LARP1B: variants seen among roughly 807,000 people sequenced by gnomAD.
LARP1B encodes La ribonucleoprotein 1B, also known as la-related protein 1B.
Under a neutral mutation model 114.2 loss-of-function variants are expected in LARP1B, and 76 were observed. The observed-to-expected ratio is 0.67, with a 90% CI of 0.55 to 0.81. The LOEUF (loss-of-function observed/expected upper bound fraction) is 0.81. LARP1B is among the 30% of genes least tolerant of loss of function. The pLI, the probability that LARP1B is intolerant of heterozygous loss-of-function variation, is 0.00. For synonymous variants in LARP1B, 345 were observed against 348.0 expected, an observed-to-expected ratio of 0.99 and a Z score of 0.10; for missense variants, 1,014 against 1,075.8, an observed-to-expected ratio of 0.94 and a Z score of 0.80.
intron 7 of LARP1B, among the ~76,000 whole-genome samples, chr4:128,095,825 A>AGAAAAC (rs1393405123): frequency 1.3e-5 from 2 of 152,038 alleles, no homozygotes; most frequent in African/African-American, 4.8e-5. Context: ...TCCATGTTTG[A>AGAAAAC]AAACTTTCTC....
At chr4:128,197,882 T>C (rs1754759358) in intron 15 of LARP1B, among the ~76,000 whole-genome samples, 1 of 135,404 alleles carries the variant, frequency 7.4e-6, no homozygotes, top group Non-Finnish European at 1.6e-5. Context: ...GATTGTAGCT[T>C]TTTTTTTTTT....
chr4:128,068,882 A>G (rs1340302956), intron 1 of LARP1B: 5 of 430,010 alleles, frequency 1.2e-5, no homozygotes, highest in Non-Finnish European at 2.1e-5. Flanking sequence ...ATTGCACTTT[A>G]ACTTTTCTTA....
At chr4:128,073,589 T>TGTTG (rs1561056944) in intron 1 of LARP1B, among the ~76,000 whole-genome samples, 34 of 38,356 alleles carry the variant, frequency 8.9e-4, no homozygotes, top group Non-Finnish European at 1.3e-3. Context: ...TTTTTTTTTT[T>TGTTG]TTTTTTTTTT....
rs1782551080 is a variant in LARP1B at position 128,107,601 on chromosome 4, G to T, written c.988+288G>T. 7 of 1,382,616 alleles carry T rather than the reference G, an allele frequency of 5.1e-6. No homozygotes were observed. In the East Asian group the frequency reaches 1.3e-4, roughly 26 times the overall value. The allele number at this position is 1,382,616 out of a possible 1,614,324, so 85.6% of individuals were successfully genotyped here. A position where few individuals can be genotyped will look rare whatever the true frequency, so the allele number is the denominator to read the frequency against. The stretch of plus-strand genomic sequence containing the variant: ...CTTTTATTTTTACTAAATAACTATA[G>T]ATATGTATCGTTTTCCCCTGTAAAA... On this transcript the variant is annotated intron_variant, in intron 9 of 19. Transcript: ENST00000326639.
At chr4:128,220,990 G>C (rs1759979468) in intron 7 of LARP1B, among the ~76,000 whole-genome samples, 1 of 152,190 alleles carries the variant, frequency 6.6e-6, no homozygotes, top group African/African-American at 2.4e-5. Context: ...GCGTGAAATA[G>C]AACACAGAAC....
At chr4:128,157,159 GAGAATTTCAGTAT>G (rs1170925310) in intron 11 of LARP1B, among the ~76,000 whole-genome samples, 2 of 152,108 alleles carry the variant, frequency 1.3e-5, no homozygotes, top group Admixed American at 6.5e-5. Flanking sequence ...AGATAAGATG[GAGAATTTCAGTAT>G]AGAGCCAGAA....
At chr4:128,164,079 T>G (rs1196135718) in intron 12 of LARP1B, among the ~76,000 whole-genome samples, 1 of 152,142 alleles carries the variant, frequency 6.6e-6, no homozygotes, top group Non-Finnish European at 1.5e-5. Flanking sequence ...TTAATTTCTT[T>G]GATTTTGTAG....
At position 128,180,407 on chromosome 4, in the gene LARP1B, T is replaced by C. The variant is rs925749045; in HGVS notation, c.2003+895T>C. 3.9e-5 allele frequency among the ~76,000 whole-genome samples: 6 copies of C among 152,358 alleles called. No homozygotes were observed. The East Asian group carries it at 5.8e-4, about 15-fold the overall frequency. Reference sequence around the variant, plus strand: ...TCATGAAAAGAAATGCTAGGGAGTTTATCATGCTCTCAAAACCTTGAAATC... The same window carrying C: ...TCATGAAAAGAAATGCTAGGGAGTTCATCATGCTCTCAAAACCTTGAAATC... On this transcript the variant is annotated intron_variant, in intron 15 of 19. Transcript: ENST00000326639.
Position 128,199,567 on chromosome 4 carries a change from T to G in LARP1B, c.2132T>G (p.Val711Gly). The G allele has an allele frequency of 6.3e-7, 1 of 1,586,536 alleles. No individual in the cohort carries two copies. ...LLKENGFTQQ[V>G]YHKYRRRCLS... ...AAGGAAAATGGCTTTACCCAACAAG[T>G]GTACCACAAGTATCGTCGAAGATGC... Residue 711 changes from valine (V) to glycine (G), a missense_variant, in exon 16 of 20, where the codon GTG becomes GGG. Coordinates refer to ENST00000326639, the MANE Select transcript of LARP1B (RefSeq NM_018078.4).
At chr4:128,110,491 A>T (rs958522538) in intron 9 of LARP1B, among the ~76,000 whole-genome samples, 74 of 150,424 alleles carry the variant, frequency 4.9e-4, no homozygotes, top group African/African-American at 1.8e-3. Context: ...GGCTAAAAAA[A>T]ACGGTGAAAC....
At chr4:128,095,775 C>A (rs1310007809) in intron 7 of LARP1B, among the ~76,000 whole-genome samples, 57 of 151,980 alleles carry the variant, frequency 3.8e-4, no homozygotes, top group Non-Finnish European at 5.9e-5. Context: ...GAGTTTTATA[C>A]CCCAAAATGT....
At chr4:128,090,933 T>C (rs772629003) in intron 5 of LARP1B, 68 bp from the exon 6 acceptor site, 1 of 1,254,156 alleles carries the variant, frequency 8.0e-7, no homozygotes, top group Admixed American at 2.4e-5. Context: ...TATTATGTTT[T>C]CATAAAGACA....
chr4:128,069,768 A>G (rs1040880782), intron 1 of LARP1B, among the ~76,000 whole-genome samples: 5 of 152,090 alleles, frequency 3.3e-5, no homozygotes, highest in African/African-American at 1.2e-4. Context: ...TTTACTCATA[A>G]CAATATGATG....
At chr4:128,079,017 A>G (rs927864497) in intron 4 of LARP1B, among the ~76,000 whole-genome samples, 63 of 152,214 alleles carry the variant, frequency 4.1e-4, no homozygotes, top group South Asian at 1.9e-3. Context: ...GGGAACATTT[A>G]ATGGTAAAGT....
At chr4:128,123,166 C>T (rs1338032062) in intron 11 of LARP1B, 5 of 985,246 alleles carry the variant, frequency 5.1e-6, no homozygotes, top group Non-Finnish European at 3.6e-6. Flanking sequence ...TCTTTTCTTC[C>T]TGGAATCCCC....
intron 1 of LARP1B, among the ~76,000 whole-genome samples, chr4:128,065,335 CCTTTCTTT>C (rs1762343512): frequency 1.0e-4 from 12 of 118,020 alleles, no homozygotes; most frequent in African/African-American, 1.8e-4. Flanking sequence ...CTCTCTCTTT[CCTTTCTTT>C]TCTTTTCTTT....
chr4:128,137,477 A>G (rs1018165291), intron 11 of LARP1B, among the ~76,000 whole-genome samples: 3 of 152,122 alleles, frequency 2.0e-5, no homozygotes, highest in African/African-American at 7.2e-5. Context: ...GTTGCTGCTT[A>G]TATGTGCTTT....
chr4:128,129,348 CAA>C (rs71587364), intron 11 of LARP1B, among the ~76,000 whole-genome samples: 8 of 109,994 alleles, frequency 7.3e-5, no homozygotes, highest in East Asian at 2.8e-4. Context: ...GACTCCGTCT[CAA>C]AAAAAAAAAA....
At chr4:128,128,024 A>G (rs1790216130) in intron 11 of LARP1B, among the ~76,000 whole-genome samples, 1 of 152,202 alleles carries the variant, frequency 6.6e-6, no homozygotes, top group African/African-American at 2.4e-5. Flanking sequence ...ACCATTCAGT[A>G]TGGAAAGAAT....
Sources: gnomAD v4.1 joint callset for allele counts (sites outside exome capture counted in the v4.1 genomes callset) on GRCh38, gnomAD v4.1.1 for gene constraint, MANE v1.5 for transcripts, NCBI Gene and HGNC (gene_info 2026-07-23, HGNC 2026-07-21) for gene names.